MARVELD2: variants seen among roughly 807,000 people sequenced by gnomAD.
MARVELD2 encodes the protein MARVEL domain-containing protein 2.
MARVELD2 carries 49 observed loss-of-function variants against 57.6 expected under a neutral mutation model. The observed-to-expected ratio is 0.85, with a 90% CI of 0.68 to 1.08. MARVELD2 has a LOEUF of 1.08. Among genes scored for constraint, MARVELD2 ranks in the 50% least tolerant of loss-of-function variants. The pLI is 0.00. For missense variants in MARVELD2, 606 were observed against 701.1 expected (o/e 0.86, Z 1.53); for synonymous variants, 238 against 258.8 (o/e 0.92, Z 0.77).
rs542970702 is a variant in MARVELD2, at chr5:69,433,071, C to T, written c.1481C>T (p.Pro494Leu). ...CTGGATGCAGTGATGAGCAGATTGC[C>T]ACATCATTCGGAAAGCCGACAGGTT... ...DELDAVMSRLPHHSESRQEHE... is the reference protein window; with the variant it reads ...DELDAVMSRLLHHSESRQEHE... The change falls in exon 5 of 7, where the codon CCA becomes CTA. Residue 494 changes from proline to leucine, a missense_variant. Pro to Leu is a moderately conservative substitution (Grantham distance 98). Transcript: ENST00000325631. 3.1e-6 allele frequency: 5 copies of T among 1,613,488 alleles called. No homozygotes were observed. The South Asian group carries it at 5.5e-5, about 18-fold the overall frequency.
Position 69,444,009 on chromosome 5 carries a change from T to TAAAAAAA in MARVELD2, c.*2362_*2368dup, listed in dbSNP as rs746994253. ...TCACTTAAGAAGAGCACCAGTGCTT[T>TAAAAAAA]AAAAAAAAAAAAAGGTAAAATATTA... On this transcript the variant is annotated 3_prime_UTR_variant, in exon 7 of 7. Coordinates refer to ENST00000325631, the MANE Select transcript of MARVELD2 (RefSeq NM_001038603.3). The TAAAAAAA allele has an allele frequency of 6.1e-4, 38 of 62,516 alleles. 2 individuals are homozygous for TAAAAAAA. Among genetic ancestry groups the TAAAAAAA allele is most frequent in the East Asian group, 4.1e-3 (6 of 1,456 alleles). 3.9% of individuals were successfully genotyped at this position (62,516 alleles called of 1,614,324 possible).
Position 69,420,483 on chromosome 5 carries a change from G to A in MARVELD2, c.1098G>A (p.Trp366Ter), listed in dbSNP as rs773552728. The change falls in exon 2 of 7, where the codon TGG becomes TGA. Residue 366 changes from tryptophan to a stop codon, truncating the protein, a stop_gained. Coordinates refer to ENST00000325631, the MANE Select transcript of MARVELD2 (RefSeq NM_001038603.3). LOFTEE classifies it high-confidence loss of function. ...LISALVCLKL[W>*]RHEAARRHRE... is the part of the protein sequence containing the mutation. ...GTGCTTTGGTTTGCCTAAAGTTATG[G>A]AGGCATGAGGCAGCTCGGAGACATA... is the stretch of plus-strand genomic sequence containing the variant. The A allele has an allele frequency of 6.2e-7, 1 of 1,613,300 alleles. No homozygotes were observed. The highest frequency in any genetic ancestry group is 1.1e-5 in the South Asian group (1 of 91,084).
In MARVELD2 at chr5:69,441,901, G is replaced by T; in HGVS notation, c.*247G>T. On this transcript the variant is annotated 3_prime_UTR_variant, in exon 7 of 7. Transcript: ENST00000325631. ...GACGAGGTTTCACCATGTTGGTCAG[G>T]CTGGGAAACTACTTTTTTTAAAAAA... is the stretch of plus-strand genomic sequence containing the variant. 1 of 284,914 alleles carries T rather than the reference G, an allele frequency of 3.5e-6. No individual in the cohort carries two copies. Among genetic ancestry groups the T allele is most frequent in the Non-Finnish European group, 6.7e-6 (1 of 149,858 alleles). 17.6% of individuals were successfully genotyped at this position (284,914 alleles called of 1,614,324 possible).
intron 2 of MARVELD2, 67 bp from the exon 3 acceptor site, chr5:69,424,534 G>A: frequency 2.3e-6 from 3 of 1,331,648 alleles, no homozygotes; most frequent in Non-Finnish European, 3.2e-6. Flanking sequence ...AAATGCAAAT[G>A]GATGAAAATA....
At chr5:69,423,517 C>A (rs1023767288) in intron 2 of MARVELD2, among the ~76,000 whole-genome samples, 1 of 152,142 alleles carries the variant, frequency 6.6e-6, no homozygotes, top group African/African-American at 2.4e-5. Context: ...CCTCAGCCTC[C>A]CAAAGTGTTG....
chr5:69,415,460 G>C (rs1766370238), intron 1 of MARVELD2: 1 of 152,242 alleles, frequency 6.6e-6, no homozygotes, highest in Admixed American at 6.5e-5. Flanking sequence ...CGGCCTCGTT[G>C]GGTCGGAATC....
intron 2 of MARVELD2, among the ~76,000 whole-genome samples, chr5:69,422,303 CT>C (rs1272003504): frequency 6.6e-6 from 1 of 152,208 alleles, no homozygotes; most frequent in Non-Finnish European, 1.5e-5. Flanking sequence ...CCATATTTCT[CT>C]TCTTTCAAAA....
chr5:69,425,735 CT>C (rs11396193), intron 3 of MARVELD2, among the ~76,000 whole-genome samples: 47,231 of 140,740 alleles, frequency 0.34, 8,931 homozygotes, highest in Non-Finnish European at 0.46. Flanking sequence ...AATAATAATA[CT>C]TTTTTTTTTT....
chr5:69,427,199 C>T (rs1766818181), intron 3 of MARVELD2, among the ~76,000 whole-genome samples: 1 of 152,094 alleles, frequency 6.6e-6, no homozygotes, highest in Non-Finnish European at 1.5e-5. Flanking sequence ...GCAACAAATT[C>T]TGAAGTCTGT....
Position 69,441,988 on chromosome 5 carries a change from C to T in MARVELD2, c.*334C>T, listed in dbSNP as rs192412701. 6.9e-5 allele frequency: 13 copies of T among 189,508 alleles called. No individual in the cohort carries two copies. The East Asian group carries it at 8.5e-4, about 12-fold the overall frequency. 11.7% of individuals were successfully genotyped at this position (189,508 alleles called of 1,614,324 possible). A position where few individuals can be genotyped will look rare whatever the true frequency, so the allele number is the denominator to read the frequency against. ...CTAGCCTCTGTGGTAGAGAAGCAAGCGCTTCCCAAATCAGCTTCCAATTGG... is the reference window on the plus strand; with the variant it reads ...CTAGCCTCTGTGGTAGAGAAGCAAGTGCTTCCCAAATCAGCTTCCAATTGG... On this transcript the variant is annotated 3_prime_UTR_variant, in exon 7 of 7. Transcript: ENST00000325631.
At chr5:69,434,190 G>A (rs1007543764) in intron 5 of MARVELD2, among the ~76,000 whole-genome samples, 12 of 152,036 alleles carry the variant, frequency 7.9e-5, no homozygotes, top group East Asian at 3.9e-4. Context: ...ATGGCCAGGC[G>A]CAGTGGCTTA....
intron 5 of MARVELD2, among the ~76,000 whole-genome samples, chr5:69,434,473 AAAGC>A (rs1767071990): frequency 6.6e-6 from 1 of 151,718 alleles, no homozygotes; most frequent in Non-Finnish European, 1.5e-5. Flanking sequence ...AAAAAAAAAA[AAAGC>A]AAGCAGATAT....
At chr5:69,441,444 A>C (rs1006483244) in intron 6 of MARVELD2, 88 bp from the exon 7 acceptor site, 1 of 1,491,938 alleles carries the variant, frequency 6.7e-7, no homozygotes. Flanking sequence ...TTTGCTATGT[A>C]TGATCATTTC....
At position 69,433,094 on chromosome 5, in the gene MARVELD2, G is replaced by C; in HGVS notation, c.1503+1G>C. On this transcript the variant is annotated splice_donor_variant, in intron 5 of 6. Coordinates refer to ENST00000325631, the MANE Select transcript of MARVELD2 (RefSeq NM_001038603.3). LOFTEE classifies it high-confidence loss of function. ...GCCACATCATTCGGAAAGCCGACAG[G>C]TTAGTATGTGCAGCTGCCTAGGAGG... 2 of 1,605,804 alleles carry C rather than the reference G, an allele frequency of 1.2e-6. No homozygotes were observed. The highest frequency in any genetic ancestry group is 1.7e-6 in the Non-Finnish European group (2 of 1,175,188).
chr5:69,428,388 A>C lies in MARVELD2; in HGVS notation c.1182+3752A>C, dbSNP rs1236052995. ...TGTGGTGGCGCAAGCCTGTAATCCC[A>C]GCTACTTGGGAGACTGAGGCGGGAG... On this transcript the variant is annotated intron_variant, in intron 3 of 6. Coordinates refer to ENST00000325631, the MANE Select transcript of MARVELD2 (RefSeq NM_001038603.3). Among the ~76,000 whole-genome samples, 2 of 108,704 alleles carry C rather than the reference A, an allele frequency of 1.8e-5. 1 individual carries two copies. Among genetic ancestry groups the C allele is most frequent in the Non-Finnish European group, 3.9e-5 (2 of 51,044 alleles). 71.3% of individuals were successfully genotyped at this position (108,704 alleles called of 152,430 possible). A position where few individuals can be genotyped will look rare whatever the true frequency, so the allele number is the denominator to read the frequency against.
In MARVELD2 at chr5:69,432,544, T is replaced by C. The variant is rs1477364290; in HGVS notation, c.1200T>C (p.Ser400=). Residue 400 remains serine (S), a synonymous_variant, in exon 4 of 7, where the codon AGT becomes AGC. Coordinates refer to ENST00000325631, the MANE Select transcript of MARVELD2 (RefSeq NM_001038603.3). ...AACTGCAGTGTGAAATGGCCACCAG[T>C]GGTGACAGACAAAGAGACTCAGAAG... is the stretch of plus-strand genomic sequence containing the variant. ...SKRKMCEMAT[S]GDRQRDSEVN... The C allele has an allele frequency of 2.5e-6, 4 of 1,614,196 alleles. No homozygotes were observed. Among genetic ancestry groups the C allele is most frequent in the Non-Finnish European group, 3.4e-6 (4 of 1,180,036 alleles).
At chr5:69,427,407 T>C (rs1485919049) in intron 3 of MARVELD2, among the ~76,000 whole-genome samples, 1 of 151,602 alleles carries the variant, frequency 6.6e-6, no homozygotes, top group Non-Finnish European at 1.5e-5. Context: ...TCTTTTCCTT[T>C]TTTTTTTTTG....
In MARVELD2 at chr5:69,443,443, A is replaced by G. The variant is rs1011625513; in HGVS notation, c.*1789A>G. On this transcript the variant is annotated 3_prime_UTR_variant, in exon 7 of 7. Transcript: ENST00000325631. Reference sequence around the variant, plus strand: ...TCAAGCTCCTGACCTCAGATGATCTACCAGCCTCGGCCTTCTGAAGTGCTG... The same window carrying G: ...TCAAGCTCCTGACCTCAGATGATCTGCCAGCCTCGGCCTTCTGAAGTGCTG... The G allele has an allele frequency of 2.6e-5, 4 of 152,102 alleles. No homozygotes were observed. Among genetic ancestry groups the G allele is most frequent in the African/African-American group, 9.7e-5 (4 of 41,416 alleles). The allele number at this position is 152,102 out of a possible 1,614,324, so 9.4% of individuals were successfully genotyped here.
intron 1 of MARVELD2, among the ~76,000 whole-genome samples, chr5:69,418,766 C>T (rs1021334557): frequency 4.6e-5 from 7 of 152,162 alleles, no homozygotes; most frequent in Admixed American, 2.0e-4. Context: ...TTTCGCTACA[C>T]TCAAACTCTT....
Sources: allele counts gnomAD v4.1 joint callset (sites outside exome capture counted in the v4.1 genomes callset), GRCh38; gene constraint gnomAD v4.1.1; transcripts MANE v1.5; gene names NCBI Gene and HGNC (gene_info 2026-07-23, HGNC 2026-07-21).